Variants in NFIA observed in about 807,000 individuals in gnomAD.
NFIA encodes nuclear factor 1 A-type.
Under a neutral mutation model 62.8 loss-of-function variants are expected in NFIA, and 8 were observed. That is an observed-to-expected ratio of 0.13 (90% confidence interval 0.07 to 0.23). The LOEUF (loss-of-function observed/expected upper bound fraction) is 0.23, where lower values mean the gene tolerates loss of function less well. Ranked by LOEUF, NFIA falls within the 10% of genes least tolerant of loss-of-function variation. NFIA has a pLI of 1.00. For synonymous variants in NFIA, 235 were observed against 238.1 expected (o/e 0.99, Z 0.12); for missense variants, 410 against 642.1 (o/e 0.64, Z 3.91).
At chr1:61,188,040 A>T (rs1217764684) in intron 2 of NFIA, among the ~76,000 whole-genome samples, 2 of 151,738 alleles carry the variant, frequency 1.3e-5, no homozygotes, top group African/African-American at 4.8e-5. Flanking sequence ...TTACCCTTGA[A>T]GTGTTTTTGT....
intron 2 of NFIA, among the ~76,000 whole-genome samples, chr1:61,104,012 G>A (rs1458277594): frequency 1.3e-5 from 2 of 152,084 alleles, no homozygotes; most frequent in African/African-American, 4.8e-5. Context: ...TGGTGATGAT[G>A]GAGTAATATA....
intron 10 of NFIA, among the ~76,000 whole-genome samples, chr1:61,449,746 G>A (rs767026401): frequency 1.6e-4 from 25 of 152,288 alleles, no homozygotes; most frequent in African/African-American, 2.4e-4. Flanking sequence ...GTCTTGGTTC[G>A]GAGTTACTGA....
At chr1:61,274,868 A>G (rs757708543) in intron 2 of NFIA, among the ~76,000 whole-genome samples, 1 of 152,166 alleles carries the variant, frequency 6.6e-6, no homozygotes, top group Non-Finnish European at 1.5e-5. Context: ...GTGTCCATGC[A>G]TCCTCAGCAG....
chr1:61,373,590 T>C (rs1230683587), intron 6 of NFIA, among the ~76,000 whole-genome samples: 1 of 152,114 alleles, frequency 6.6e-6, no homozygotes, highest in East Asian at 1.9e-4. Context: ...TATCATGTTT[T>C]AACTGACAGA....
intron 3 of NFIA, among the ~76,000 whole-genome samples, chr1:61,291,539 T>C (rs1658881684): frequency 6.6e-6 from 1 of 152,200 alleles, no homozygotes; most frequent in Non-Finnish European, 1.5e-5. Context: ...AATATGTTAA[T>C]TTGATGTAAT....
At chr1:61,396,203 T>C (rs774761320) in intron 7 of NFIA, among the ~76,000 whole-genome samples, 1 of 152,164 alleles carries the variant, frequency 6.6e-6, no homozygotes, top group Non-Finnish European at 1.5e-5. Context: ...AAAAATGCCC[T>C]AGATCTTCTG....
chr1:61,290,634 A>G (rs1027364133), intron 3 of NFIA, among the ~76,000 whole-genome samples: 1 of 152,236 alleles, frequency 6.6e-6, no homozygotes, highest in Admixed American at 6.5e-5. Flanking sequence ...AATAGAAAGA[A>G]GGAAAATGAA....
chr1:61,105,689 A>T (rs1266980002), intron 2 of NFIA, among the ~76,000 whole-genome samples: 3 of 151,848 alleles, frequency 2.0e-5, no homozygotes, highest in Non-Finnish European at 2.9e-5. Context: ...TCATTTAATT[A>T]TTACTTAATT....
chr1:61,240,034 G>A (rs1655249647), intron 2 of NFIA, among the ~76,000 whole-genome samples: 1 of 152,098 alleles, frequency 6.6e-6, no homozygotes, highest in Non-Finnish European at 1.5e-5. Flanking sequence ...ATTCAATAAA[G>A]AGACATCTAA....
chr1:61,311,648 C>T (rs1037874994), intron 3 of NFIA, among the ~76,000 whole-genome samples: 1 of 152,080 alleles, frequency 6.6e-6, no homozygotes, highest in African/African-American at 2.4e-5. Context: ...CCAAATGTCA[C>T]CTGGGGGCAA....
At chr1:61,451,758 G>A (rs1485317508) in intron 10 of NFIA, among the ~76,000 whole-genome samples, 2 of 152,132 alleles carry the variant, frequency 1.3e-5, no homozygotes, top group African/African-American at 2.4e-5. Flanking sequence ...ATATTGCATT[G>A]TAATAATGCC....
intron 2 of NFIA, among the ~76,000 whole-genome samples, chr1:61,275,513 T>C (rs1657756341): frequency 6.6e-6 from 1 of 152,174 alleles, no homozygotes; most frequent in Non-Finnish European, 1.5e-5. Context: ...CATTTATTCA[T>C]AGAGAAGTGA....
intron 4 of NFIA, among the ~76,000 whole-genome samples, chr1:61,346,468 T>C (rs1198558597): frequency 6.6e-6 from 1 of 152,248 alleles, no homozygotes; most frequent in Admixed American, 6.5e-5. Context: ...AAAAGTATAC[T>C]GTGTTACATA....
intron 2 of NFIA, among the ~76,000 whole-genome samples, chr1:61,136,353 C>T (rs1294199099): frequency 6.6e-6 from 1 of 152,210 alleles, no homozygotes; most frequent in Non-Finnish European, 1.5e-5. Flanking sequence ...TTAAAGTCCA[C>T]AGCATGGAGT....
At chr1:61,221,830 A>G (rs561666058) in intron 2 of NFIA, among the ~76,000 whole-genome samples, 1 of 152,142 alleles carries the variant, frequency 6.6e-6, no homozygotes, top group Non-Finnish European at 1.5e-5. Flanking sequence ...GGGACTAATC[A>G]TGAGAAGAAA....
In NFIA at chr1:61,088,423, C is replaced by T; in HGVS notation, c.302C>T (p.Pro101Leu). Reference protein sequence around the residue: ...FVLTVTGKKPPCCVLSNPDQK... With the variant: ...FVLTVTGKKPLCCVLSNPDQK... ...CTTACAGTTACAGGGAAAAAACCTC[C>T]ATGTTGTGTTCTTTCCAACCCAGAC... The change falls in exon 2 of 11, where the codon CCA becomes CTA. Residue 101 changes from proline (P) to leucine (L), a missense_variant. By Grantham distance (98) the Pro-to-Leu change is moderately conservative. Around this residue, in one of 3 missense-constraint regions of NFIA, gnomAD observed 86 missense variants for 124.6 expected, o/e 0.69. Transcript: ENST00000403491. The surrounding 1 kb of genome is among the most constrained non-coding windows in gnomAD (Gnocchi z 4.5). 6.2e-7 allele frequency: 1 copy of T among 1,613,964 alleles called. No homozygotes were observed. Among genetic ancestry groups the T allele is most frequent in the Non-Finnish European group, 8.5e-7 (1 of 1,180,000 alleles).
At chr1:61,206,594 G>A (rs978501422) in intron 2 of NFIA, among the ~76,000 whole-genome samples, 7 of 152,088 alleles carry the variant, frequency 4.6e-5, no homozygotes, top group Admixed American at 6.5e-5. Context: ...TTGTCAGTGC[G>A]ACCTCAGACA....
intron 2 of NFIA, among the ~76,000 whole-genome samples, chr1:61,161,761 C>A (rs770466186): frequency 1.2e-3 from 189 of 152,246 alleles, no homozygotes; most frequent in Non-Finnish European, 2.2e-3. Flanking sequence ...ACACACACAC[C>A]CCTCTATAAT....
rs147687897 is a variant in NFIA, at chr1:61,325,657, G to A, written c.626-6855G>A. On this transcript the variant is annotated intron_variant, in intron 3 of 10. Transcript: ENST00000403491. Reference sequence around the variant, plus strand: ...AAGAAGGCTAGGCGTGGTGGCTCACGCCTGTAATCCCAGCACTTTGGGAGG... The same window carrying A: ...AAGAAGGCTAGGCGTGGTGGCTCACACCTGTAATCCCAGCACTTTGGGAGG... Among the ~76,000 whole-genome samples, 326 of 152,280 alleles carry A rather than the reference G, an allele frequency of 2.1e-3. 4 individuals carry two copies. Among genetic ancestry groups the A allele is most frequent in the African/African-American group, 7.4e-3 (306 of 41,558 alleles).
Sources: gnomAD v4.1 joint callset for allele counts (sites outside exome capture counted in the v4.1 genomes callset) on GRCh38, gnomAD v4.1.1 for gene constraint, gnomAD v4.1.1 regional missense constraint, Gnocchi (gnomAD v3.1) non-coding constraint, MANE v1.5 for transcripts, NCBI Gene and HGNC (gene_info 2026-07-23, HGNC 2026-07-21) for gene names.